TAFA1: variants seen among roughly 807,000 people sequenced by gnomAD.
TAFA1 encodes the protein chemokine-like protein TAFA-1.
A neutral mutation model predicts 18.5 loss-of-function variants in TAFA1; 4 were observed. The ratio of observed to expected loss-of-function variants is 0.22; its 90% CI spans 0.11 to 0.49. The LOEUF (loss-of-function observed/expected upper bound fraction) is 0.49, where lower values mean the gene tolerates loss of function less well. Among genes scored for constraint, TAFA1 ranks in the 20% least tolerant of loss-of-function variants. The probability of loss-of-function intolerance (pLI) is 0.98; values close to 1 mark genes in which losing one functional copy is unlikely to be tolerated. For missense variants in TAFA1, 147 were observed against 169.0 expected, an observed-to-expected ratio of 0.87 and a Z score of 0.72; for synonymous variants, 56 against 55.2, an observed-to-expected ratio of 1.01 and a Z score of -0.06.
intron 2 of TAFA1, among the ~76,000 whole-genome samples, chr3:68,029,501 A>G (rs777624371): frequency 1.2e-4 from 18 of 152,226 alleles, no homozygotes; most frequent in Non-Finnish European, 2.2e-4. Flanking sequence ...TAAATCAAAC[A>G]TCAGTTCTAA....
Position 68,089,798 on chromosome 3 carries a change from T to C in TAFA1, c.118+83054T>C, listed in dbSNP as rs375919304. 2.0e-5 allele frequency among the ~76,000 whole-genome samples: 3 copies of C among 152,274 alleles called. No individual in the cohort carries two copies. The East Asian group carries it at 5.8e-4, about 29-fold the overall frequency. On this transcript the variant is annotated intron_variant, in intron 2 of 4. Coordinates refer to ENST00000478136, the MANE Select transcript of TAFA1 (RefSeq NM_213609.4). ...CATCTGTATTTAGCTGGTCCCTCAA[T>C]GTCTGGGCTAGGTCTTGTTAGGAAT...
intron 3 of TAFA1, among the ~76,000 whole-genome samples, chr3:68,484,926 G>T (rs977269274): frequency 6.6e-6 from 1 of 152,152 alleles, no homozygotes. Flanking sequence ...GAAACAATTT[G>T]TTTGCTGGGG....
At chr3:68,186,100 A>G (rs1426072573) in intron 2 of TAFA1, among the ~76,000 whole-genome samples, 1 of 152,044 alleles carries the variant, frequency 6.6e-6, no homozygotes, top group East Asian at 1.9e-4. Context: ...GAAAGCTGGA[A>G]AAACAACTTT....
intron 2 of TAFA1, among the ~76,000 whole-genome samples, chr3:68,375,981 C>A (rs1478297280): frequency 6.6e-6 from 1 of 152,084 alleles, no homozygotes; most frequent in Non-Finnish European, 1.5e-5. Context: ...TTTTAAGAAC[C>A]ATCTCCTAAT....
intron 2 of TAFA1, among the ~76,000 whole-genome samples, chr3:68,096,879 A>G (rs1295806865): frequency 6.6e-6 from 1 of 152,156 alleles, no homozygotes; most frequent in East Asian, 1.9e-4. Flanking sequence ...CTCAGAGGTA[A>G]TGGTGGAAAG....
At chr3:68,434,594 T>G (rs1304909389) in intron 3 of TAFA1, among the ~76,000 whole-genome samples, 5 of 152,078 alleles carry the variant, frequency 3.3e-5, no homozygotes, top group African/African-American at 1.2e-4. Context: ...CTATGACTTT[T>G]TCTAATATTC....
chr3:68,443,833 C>T (rs778775679), intron 3 of TAFA1, among the ~76,000 whole-genome samples: 2 of 152,236 alleles, frequency 1.3e-5, no homozygotes, highest in Non-Finnish European at 2.9e-5. Flanking sequence ...TTCTGACCTT[C>T]CTATAAACCA....
intron 2 of TAFA1, among the ~76,000 whole-genome samples, chr3:68,310,986 G>C (rs1211967570): frequency 6.6e-6 from 1 of 152,126 alleles, no homozygotes; most frequent in African/African-American, 2.4e-5. Flanking sequence ...GGTTTAATTG[G>C]ACTTACAGTT....
intron 2 of TAFA1, among the ~76,000 whole-genome samples, chr3:68,163,513 G>A (rs1488230136): frequency 2.0e-5 from 3 of 152,242 alleles, no homozygotes; most frequent in South Asian, 2.1e-4. Flanking sequence ...TTCAACCTTC[G>A]ATTTCATTGA....
intron 2 of TAFA1, among the ~76,000 whole-genome samples, chr3:68,098,440 T>C (rs1053827573): frequency 2.6e-5 from 4 of 152,146 alleles, no homozygotes; most frequent in Non-Finnish European, 5.9e-5. Flanking sequence ...ATAAAGGCAT[T>C]AACTTCTATA....
intron 2 of TAFA1, among the ~76,000 whole-genome samples, chr3:68,250,361 A>G (rs750455516): frequency 1.3e-5 from 2 of 152,198 alleles, no homozygotes; most frequent in Non-Finnish European, 2.9e-5. Context: ...CTTATCATAT[A>G]AGACATACTT....
chr3:68,419,007 G>A (rs555268725), intron 3 of TAFA1, among the ~76,000 whole-genome samples: 1 of 152,286 alleles, frequency 6.6e-6, no homozygotes, highest in African/African-American at 2.4e-5. Context: ...TGATATGGCA[G>A]AATGGTTTTA....
At chr3:68,239,683 T>A (rs2066972679) in intron 2 of TAFA1, among the ~76,000 whole-genome samples, 1 of 152,186 alleles carries the variant, frequency 6.6e-6, no homozygotes, top group South Asian at 2.1e-4. Context: ...GAAGGCTTAG[T>A]TGCCAAAACA....
chr3:68,085,503 G>T (rs373380410), intron 2 of TAFA1, among the ~76,000 whole-genome samples: 1 of 152,178 alleles, frequency 6.6e-6, no homozygotes, highest in African/African-American at 2.4e-5. Flanking sequence ...TCTCCTGGAG[G>T]TTAAATGTCA....
Position 68,123,012 on chromosome 3 carries a change from T to C in TAFA1, c.118+116268T>C, listed in dbSNP as rs369245238. Among the ~76,000 whole-genome samples, 158 of 151,904 alleles carry C rather than the reference T, an allele frequency of 1.0e-3. 2 individuals are homozygous for C. Among genetic ancestry groups the C allele is most frequent in the African/African-American group, 3.1e-3 (129 of 41,446 alleles). On this transcript the variant is annotated intron_variant, in intron 2 of 4. Transcript: ENST00000478136. The stretch of plus-strand genomic sequence containing the variant: ...TAAAGAAAAAAAAAACCCTTTTTTT[T>C]CCAAAAATCTGTCTGTAGATTTCTT...
chr3:68,347,540 A>G (rs1237362804), intron 2 of TAFA1, among the ~76,000 whole-genome samples: 1 of 152,192 alleles, frequency 6.6e-6, no homozygotes, highest in Non-Finnish European at 1.5e-5. Flanking sequence ...TCCACAGGTC[A>G]TATGGTTTCT....
chr3:68,286,339 C>G (rs2107266978), intron 2 of TAFA1, among the ~76,000 whole-genome samples: 1 of 152,030 alleles, frequency 6.6e-6, no homozygotes, highest in East Asian at 1.9e-4. Flanking sequence ...ACGGGGCTAT[C>G]CAAGAGAAAA....
At chr3:68,271,129 C>G (rs1363996590) in intron 2 of TAFA1, among the ~76,000 whole-genome samples, 1 of 152,116 alleles carries the variant, frequency 6.6e-6, no homozygotes, top group African/African-American at 2.4e-5. Context: ...CTACCCCACC[C>G]TGCCCCTTCC....
chr3:68,308,553 C>CA (rs769425661), intron 2 of TAFA1, among the ~76,000 whole-genome samples: 9 of 150,832 alleles, frequency 6.0e-5, no homozygotes, highest in African/African-American at 1.2e-4. Context: ...ACTGGAGCCA[C>CA]AAAAAAAAGG....
Sources: allele counts gnomAD v4.1 joint callset (sites outside exome capture counted in the v4.1 genomes callset), GRCh38; gene constraint gnomAD v4.1.1; transcripts MANE v1.5; gene names NCBI Gene and HGNC (gene_info 2026-07-23, HGNC 2026-07-21).